The following FAM227B variants were observed in gnomAD, a reference collection of about 807,000 sequenced individuals.
FAM227B encodes protein FAM227B.
FAM227B carries 88 observed loss-of-function variants against 73.8 expected under a neutral mutation model. The ratio of observed to expected loss-of-function variants is 1.19; its 90% CI spans 1.00 to 1.42. The LOEUF is 1.42. Ranked by LOEUF, FAM227B falls within the 40% of genes most tolerant of loss-of-function variation. FAM227B has a pLI of 0.00. For synonymous variants in FAM227B, 210 were observed against 190.5 expected, an observed-to-expected ratio of 1.10 and a Z score of -0.84; for missense variants, 632 against 590.9, an observed-to-expected ratio of 1.07 and a Z score of -0.72.
At chr15:49,521,791 T>C (rs1469186512) in intron 10 of FAM227B, among the ~76,000 whole-genome samples, 1 of 152,110 alleles carries the variant, frequency 6.6e-6, no homozygotes, top group African/African-American at 2.4e-5. Flanking sequence ...GCAAGCCCTA[T>C]GACAGGGGCA....
At chr15:49,416,800 A>ACACACAC (rs2049249837) in intron 11 of FAM227B, among the ~76,000 whole-genome samples, 3 of 142,032 alleles carry the variant, frequency 2.1e-5, no homozygotes, top group Admixed American at 7.0e-5. Flanking sequence ...CACACACACA[A>ACACACAC]ACACACAAAT....
rs1471596223 is a variant in FAM227B, at chr15:49,589,950, T to C, written c.163A>G (p.Lys55Glu). The C allele has an allele frequency of 6.2e-7, 1 of 1,609,556 alleles. No individual in the cohort carries two copies. Among genetic ancestry groups the C allele is most frequent in the African/African-American group, 1.3e-5 (1 of 74,830 alleles). ...AATGAACTATCTTCTTTTATTTTTTTCAGAGTGCATGACCATTTATCATCA... is the reference window on the plus strand; with the variant it reads ...AATGAACTATCTTCTTTTATTTTTTCCAGAGTGCATGACCATTTATCATCA... ...RDDDKWSCTL[K>E]KIKEDSSFVS... Residue 55 changes from lysine (K) to glutamate (E), a missense_variant, in exon 4 of 16, where the codon AAA (lysine) becomes GAA (glutamate). Coordinates refer to ENST00000299338, the MANE Select transcript of FAM227B (RefSeq NM_152647.3).
chr15:49,369,936 T>G (rs1380394109), intron 12 of FAM227B, among the ~76,000 whole-genome samples: 1 of 152,140 alleles, frequency 6.6e-6, no homozygotes, highest in African/African-American at 2.4e-5. Context: ...CTCTTCATAA[T>G]TAGGTTTAGA....
intron 11 of FAM227B, among the ~76,000 whole-genome samples, chr15:49,441,347 C>T (rs1001537918): frequency 4.0e-5 from 6 of 151,804 alleles, no homozygotes; most frequent in Non-Finnish European, 8.9e-5. Context: ...GAAAGCATAA[C>T]ATATGTCTTG....
At chr15:49,511,209 GGTTA>G (rs1291963556) in intron 10 of FAM227B, among the ~76,000 whole-genome samples, 2 of 151,942 alleles carry the variant, frequency 1.3e-5, no homozygotes, top group African/African-American at 4.8e-5. Flanking sequence ...GCTTCTGAAG[GGTTA>G]GTTTCTTCCC....
At chr15:49,442,550 A>AAAGG (rs1421357317) in intron 11 of FAM227B, among the ~76,000 whole-genome samples, 1 of 151,564 alleles carries the variant, frequency 6.6e-6, no homozygotes, top group Non-Finnish European at 1.5e-5. Context: ...CCTCTTTTCC[A>AAAGG]ATTCCCTTGT....
At position 49,328,073 on chromosome 15, in the gene FAM227B, A is replaced by AG. The variant is rs1305575274; in HGVS notation, c.*494dup. 1 of 1,614,108 alleles carries AG rather than the reference A, an allele frequency of 6.2e-7. No homozygotes were observed. Among genetic ancestry groups the AG allele is most frequent in the Admixed American group, 1.7e-5 (1 of 60,014 alleles). The stretch of plus-strand genomic sequence containing the variant: ...AAATGTGCACAAAGCTTATTACCAG[A>AG]GGAGTGATGGAAGCTTAGCACCGGA... On this transcript the variant is annotated 3_prime_UTR_variant, in exon 16 of 16. Transcript: ENST00000299338.
At chr15:49,379,827 T>A (rs2046405749) in intron 11 of FAM227B, among the ~76,000 whole-genome samples, 1 of 152,170 alleles carries the variant, frequency 6.6e-6, no homozygotes, top group Non-Finnish European at 1.5e-5. Flanking sequence ...ATGATTGTAC[T>A]GGGTCAGACC....
At chr15:49,541,963 T>C (rs1598045072) in intron 9 of FAM227B, among the ~76,000 whole-genome samples, 157 bp from the exon 10 acceptor site, 1 of 152,288 alleles carries the variant, frequency 6.6e-6, no homozygotes, top group East Asian at 1.9e-4. Flanking sequence ...TTTATATAAA[T>C]TAATGTACGT....
At chr15:49,347,427 C>T (rs1468372822) in intron 13 of FAM227B, among the ~76,000 whole-genome samples, 1 of 152,168 alleles carries the variant, frequency 6.6e-6, no homozygotes, top group Admixed American at 6.5e-5. Context: ...TCTACTATAG[C>T]ATTCTATGTA....
chr15:49,483,348 C>T (rs1156319518), intron 11 of FAM227B: 3 of 661,912 alleles, frequency 4.5e-6, no homozygotes, highest in Non-Finnish European at 5.3e-6. Context: ...ATTAATTTAT[C>T]TCCAACTGTA....
chr15:49,400,527 G>C (rs1346295644), intron 11 of FAM227B, among the ~76,000 whole-genome samples: 1 of 76,558 alleles, frequency 1.3e-5, no homozygotes, highest in Non-Finnish European at 2.7e-5. Context: ...AACCAAAAAA[G>C]AGCCCGCATT....
In FAM227B at chr15:49,586,491, T is replaced by C. The variant is rs140861293; in HGVS notation, c.405+1525A>G. On this transcript the variant is annotated intron_variant, in intron 5 of 15. Coordinates refer to ENST00000299338, the MANE Select transcript of FAM227B (RefSeq NM_152647.3). ...GACATAGGTATGGGCAAAGATTTCA[T>C]GACAAAAATGGCAAATGCAATTGCA... Among the ~76,000 whole-genome samples the C allele has an allele frequency of 4.6e-5, 7 of 152,278 alleles. No homozygotes were observed. The East Asian group carries it at 1.3e-3, about 29-fold the overall frequency.
chr15:49,417,221 G>A (rs2049276840), intron 11 of FAM227B, among the ~76,000 whole-genome samples: 1 of 151,998 alleles, frequency 6.6e-6, no homozygotes, highest in Admixed American at 6.6e-5. Flanking sequence ...GAAAAATCCT[G>A]TCTTTGCAAA....
chr15:49,341,935 C>CATATA (rs1238724478), intron 13 of FAM227B, among the ~76,000 whole-genome samples: 3 of 152,090 alleles, frequency 2.0e-5, no homozygotes, highest in Admixed American at 2.0e-4. Flanking sequence ...TTTATCAAAA[C>CATATA]TGCTTTATGG....
intron 11 of FAM227B, among the ~76,000 whole-genome samples, chr15:49,412,591 T>G (rs2048943648): frequency 6.6e-6 from 1 of 152,066 alleles, no homozygotes; most frequent in Non-Finnish European, 1.5e-5. Context: ...CATTTATAGC[T>G]GAAATCAAAG....
At position 49,608,397 on chromosome 15, in the gene FAM227B, C is replaced by T. The variant is rs1331537379; in HGVS notation, c.105+2818G>A. Among the ~76,000 whole-genome samples the T allele has an allele frequency of 2.0e-5, 3 of 151,982 alleles. No homozygotes were observed. In the East Asian group the frequency reaches 5.8e-4, roughly 29 times the overall value. On this transcript the variant is annotated intron_variant, in intron 3 of 15. Coordinates refer to ENST00000299338, the MANE Select transcript of FAM227B (RefSeq NM_152647.3). ...AAGGGAGAGTAGACAGACAAAAGGG[C>T]TCTCGTGGAGTTTAGAGAGGAATTT... is the stretch of plus-strand genomic sequence containing the variant.
Position 49,327,782 on chromosome 15 carries a change from T to G in FAM227B, c.*786A>C. 1 of 541,994 alleles carries G rather than the reference T, an allele frequency of 1.8e-6. No homozygotes were observed. The allele number at this position is 541,994 out of a possible 1,614,324, so 33.6% of individuals were successfully genotyped here. ...ATACAATGAAAAAATTCCAAATCAC[T>G]CTCTGAAACAGTATAAATGTCTTAA... On this transcript the variant is annotated 3_prime_UTR_variant, in exon 16 of 16. Coordinates refer to ENST00000299338, the MANE Select transcript of FAM227B (RefSeq NM_152647.3).
intron 11 of FAM227B, among the ~76,000 whole-genome samples, chr15:49,376,983 C>A (rs146536883): frequency 1.3e-5 from 2 of 151,770 alleles, no homozygotes; most frequent in East Asian, 3.9e-4. Context: ...TTTCTAGCTA[C>A]TTTTTTTTAT....
Sources: gnomAD v4.1 joint callset for allele counts (sites outside exome capture counted in the v4.1 genomes callset) on GRCh38, gnomAD v4.1.1 for gene constraint, MANE v1.5 for transcripts, NCBI Gene and HGNC (gene_info 2026-07-23, HGNC 2026-07-21) for gene names.